Variants in OVCH1 observed in about 807,000 individuals in gnomAD.
The protein encoded by OVCH1 is ovochymase 1.
OVCH1 carries 139 observed loss-of-function variants against 138.4 expected under a neutral mutation model. That is an observed-to-expected ratio of 1.00 (90% CI 0.87 to 1.16). The LOEUF (loss-of-function observed/expected upper bound fraction) is 1.16, where lower values mean the gene tolerates loss of function less well. OVCH1 is among the 50% of genes most tolerant of loss of function. The pLI, the probability that OVCH1 is intolerant of heterozygous loss-of-function variation, is 0.00. For synonymous variants in OVCH1, 453 were observed against 467.8 expected, an observed-to-expected ratio of 0.97 and a Z score of 0.41; for missense variants, 1,367 against 1,357.9, an observed-to-expected ratio of 1.01 and a Z score of -0.11.
chr12:29,431,571 TATTTA>T (rs1039828266), intron 27 of OVCH1, among the ~76,000 whole-genome samples: 17 of 104,760 alleles, frequency 1.6e-4, no homozygotes, highest in African/African-American at 6.3e-4. Flanking sequence ...ATTTTCCCCC[TATTTA>T]ATTTATTGTG....
intron 11 of OVCH1, 23 bp from the exon 12 acceptor site, chr12:29,477,255 C>T: frequency 6.2e-7 from 1 of 1,613,074 alleles, no homozygotes. Context: ...TGGGGAAATT[C>T]AAAGTGAATG....
chr12:29,418,069 C>A (rs578031711), intron 3 of OVCH1, among the ~76,000 whole-genome samples: 1 of 152,272 alleles, frequency 6.6e-6, no homozygotes, highest in East Asian at 1.9e-4. Context: ...GTCTTAGTTA[C>A]AGTTCCCGCA....
At chr12:29,447,482 ACT>A (rs1217778518) in intron 22 of OVCH1, among the ~76,000 whole-genome samples, 1 of 152,110 alleles carries the variant, frequency 6.6e-6, no homozygotes. Context: ...CAAAAAACAA[ACT>A]CAGCAAAAAT....
the OVCH1 span, among the ~76,000 whole-genome samples, chr12:29,404,277 T>C: frequency 2.0e-5 from 3 of 152,184 alleles, no homozygotes; most frequent in Non-Finnish European, 2.9e-5. Flanking sequence ...CAGCTCACAA[T>C]GTCAACAAGC....
rs111862602 is a variant in OVCH1 at position 29,443,093 on chromosome 12, A to T, written c.3157+268T>A. On this transcript the variant is annotated intron_variant, in intron 25 of 27. Coordinates refer to ENST00000318184, the Ensembl canonical transcript of OVCH1. ...GTTTTTGTCTAAAACTGCTTCATTC[A>T]TTCTTTATTTTTAGTATTTCTGAGC... 9.9e-3 allele frequency among the ~76,000 whole-genome samples: 1,505 copies of T among 152,164 alleles called. 22 individuals are homozygous for T. Among genetic ancestry groups the T allele is most frequent in the African/African-American group, 0.035 (1,442 of 41,552 alleles).
In OVCH1 at chr12:29,477,100, A is replaced by T. The variant is rs556671003; in HGVS notation, c.1377+2T>A. The T allele has an allele frequency of 9.4e-6, 15 of 1,600,114 alleles. No individual in the cohort carries two copies. Among genetic ancestry groups the T allele is most frequent in the Non-Finnish European group, 1.3e-5 (15 of 1,173,142 alleles). ...AGGTAGAGCGATTCCTCAGTTGCCT[A>T]CCTTTATAATGTGCTTCTCTGGAGC... On this transcript the variant is annotated splice_donor_variant, in intron 12 of 27. Transcript: ENST00000318184. LOFTEE classifies it high-confidence loss of function.
intron 16 of OVCH1, among the ~76,000 whole-genome samples, chr12:29,470,439 A>G (rs1428466874): frequency 1.3e-5 from 2 of 151,516 alleles, no homozygotes; most frequent in Non-Finnish European, 1.5e-5. Context: ...TCATTGTTCA[A>G]CTCCCACTTA....
intron 16 of OVCH1, among the ~76,000 whole-genome samples, chr12:29,469,278 C>T (rs754001848): frequency 6.6e-6 from 1 of 152,094 alleles, no homozygotes. Flanking sequence ...TAGTATGCTA[C>T]TTCTGTGGTC....
intron 26 of OVCH1, among the ~76,000 whole-genome samples, chr12:29,437,048 A>G (rs1192500129): frequency 1.3e-5 from 2 of 152,078 alleles, no homozygotes; most frequent in African/African-American, 4.8e-5. Context: ...TGATTGGTGC[A>G]TTTACAAACC....
intron 18 of OVCH1, 72 bp downstream of exon 18, chr12:29,464,435 G>A (rs1480944501): frequency 1.2e-5 from 18 of 1,467,366 alleles, no homozygotes; most frequent in Non-Finnish European, 1.7e-5. Flanking sequence ...GATGCTGCTT[G>A]ATATCATTTA....
chr12:29,406,452 C>A, the OVCH1 span, among the ~76,000 whole-genome samples: 1 of 152,088 alleles, frequency 6.6e-6, no homozygotes, highest in African/African-American at 2.4e-5. Flanking sequence ...CAATGCTATC[C>A]CTCCCCTCCA....
intron 4 of OVCH1, among the ~76,000 whole-genome samples, chr12:29,491,866 G>C (rs149105001): frequency 6.6e-6 from 1 of 152,116 alleles, no homozygotes. Flanking sequence ...AGCAGTAAGC[G>C]AATGTTAGAA....
At chr12:29,489,643 C>T (rs1295998055) in exon 6 of OVCH1, 3 of 1,607,850 alleles carry the variant, frequency 1.9e-6, no homozygotes, top group South Asian at 2.2e-5. Flanking sequence ...ATTCCCCAAT[C>T]AGGGAAGCCA....
chr12:29,444,320 A>T, intron 23 of OVCH1, 40 bp from the exon 24 acceptor site: 1 of 1,590,258 alleles, frequency 6.3e-7, no homozygotes. Flanking sequence ...AATAAAACCA[A>T]TTTTTAACAG....
At chr12:29,496,044 G>A (rs1943405810) in intron 3 of OVCH1, 137 bp downstream of exon 3, 1 of 699,906 alleles carries the variant, frequency 1.4e-6, no homozygotes, top group Non-Finnish European at 2.4e-6. Flanking sequence ...TGGGAATCAG[G>A]AAGATCAGTG....
At chr12:29,444,680 T>G (rs953859228) in intron 23 of OVCH1, among the ~76,000 whole-genome samples, 1 of 152,054 alleles carries the variant, frequency 6.6e-6, no homozygotes, top group Admixed American at 6.6e-5. Context: ...GAATAACATA[T>G]TCTCAGCAAT....
At chr12:29,453,506 C>T (rs1941856908) in intron 21 of OVCH1, among the ~76,000 whole-genome samples, 1 of 152,126 alleles carries the variant, frequency 6.6e-6, no homozygotes, top group Non-Finnish European at 1.5e-5. Flanking sequence ...GTAGCAATAA[C>T]TCCAAGCCTT....
chr12:29,439,070 C>A (rs1455978959), intron 26 of OVCH1, among the ~76,000 whole-genome samples: 2 of 152,174 alleles, frequency 1.3e-5, no homozygotes, highest in East Asian at 1.9e-4. Flanking sequence ...TAATTAGAGA[C>A]AAATCTCGAC....
chr12:29,477,268 CA>C, intron 11 of OVCH1, 36 bp from the exon 12 acceptor site: 1 of 1,613,002 alleles, frequency 6.2e-7, no homozygotes, highest in South Asian at 1.1e-5. Context: ...AGTGAATGGC[CA>C]AAGACATTTT....
Sources: gnomAD v4.1 joint callset for allele counts (sites outside exome capture counted in the v4.1 genomes callset) on GRCh38, gnomAD v4.1.1 for gene constraint, MANE v1.5 for transcripts, NCBI Gene and HGNC (gene_info 2026-07-23, HGNC 2026-07-21) for gene names.